TNR: variants seen among roughly 807,000 people sequenced by gnomAD.
The protein encoded by TNR is tenascin-R.
TNR carries 45 observed loss-of-function variants against 150.4 expected under a neutral mutation model. That is an observed-to-expected ratio of 0.30 (90% CI 0.24 to 0.38). The LOEUF is 0.38. TNR is among the 10% of genes least tolerant of loss of function. The pLI is 1.00. For synonymous variants in TNR, 687 were observed against 678.4 expected (o/e 1.01, Z -0.20); for missense variants, 1,544 against 1,759.1 (o/e 0.88, Z 2.19).
At chr1:175,446,624 T>A (rs1656056390) in intron 2 of TNR, among the ~76,000 whole-genome samples, 1 of 152,210 alleles carries the variant, frequency 6.6e-6, no homozygotes, top group African/African-American at 2.4e-5. Context: ...TTTTAATTGT[T>A]CCTTTTGTTA....
chr1:175,494,663 C>T (rs142076338), intron 2 of TNR, among the ~76,000 whole-genome samples: 15 of 152,280 alleles, frequency 9.9e-5, no homozygotes, highest in African/African-American at 3.6e-4. Context: ...GTGCAGAGCG[C>T]TAACAAGCCC....
chr1:175,491,493 TATG>T, intron 2 of TNR, among the ~76,000 whole-genome samples: 1 of 152,270 alleles, frequency 6.6e-6, no homozygotes, highest in Non-Finnish European at 1.5e-5. Context: ...AAGGCTGAAC[TATG>T]ATGATTTAGT....
At chr1:175,457,469 G>T (rs1656617878) in intron 2 of TNR, among the ~76,000 whole-genome samples, 3 of 152,218 alleles carry the variant, frequency 2.0e-5, no homozygotes, top group Admixed American at 2.0e-4. Context: ...CAGCCTGTCT[G>T]GTTTGGTCAT....
At chr1:175,472,279 C>G (rs1037429600) in intron 2 of TNR, among the ~76,000 whole-genome samples, 1 of 152,136 alleles carries the variant, frequency 6.6e-6, no homozygotes, top group African/African-American at 2.4e-5. Flanking sequence ...GTGGAGTTGT[C>G]AACCCCTGTG....
chr1:175,325,313 A>G (rs539811301), intron 21 of TNR, among the ~76,000 whole-genome samples: 11 of 152,364 alleles, frequency 7.2e-5, no homozygotes, highest in Admixed American at 3.9e-4. Context: ...CAAAACCACA[A>G]TGAGATACCA....
At chr1:175,544,019 G>T (rs953010206) in intron 1 of TNR, among the ~76,000 whole-genome samples, 1 of 152,188 alleles carries the variant, frequency 6.6e-6, no homozygotes, top group Admixed American at 6.5e-5. Context: ...AACAGCCAGG[G>T]CAGAGGGTGC....
chr1:175,702,860 C>T (rs963155492), intron 1 of TNR, among the ~76,000 whole-genome samples: 3 of 152,140 alleles, frequency 2.0e-5, no homozygotes, highest in Admixed American at 1.3e-4. Flanking sequence ...GCTTGAAACA[C>T]GTAAAATCCT....
At position 175,421,282 on chromosome 1, in the gene TNR, T is replaced by C. The variant is rs559587245; in HGVS notation, c.-63-14505A>G. Among the ~76,000 whole-genome samples the C allele has an allele frequency of 3.3e-5, 5 of 152,342 alleles. No individual in the cohort carries two copies. The East Asian group carries it at 5.8e-4, about 18-fold the overall frequency. On this transcript the variant is annotated intron_variant, in intron 2 of 22. Transcript: ENST00000367674. ...GCCCCATGAGGCTCTCAGATTTCCC[T>C]AGCAACAACTCAACACTTGATTCTT... is the stretch of plus-strand genomic sequence containing the variant.
intron 2 of TNR, among the ~76,000 whole-genome samples, chr1:175,480,623 C>T (rs1657764967): frequency 6.6e-6 from 1 of 152,088 alleles, no homozygotes; most frequent in African/African-American, 2.4e-5. Flanking sequence ...TTTTACATGA[C>T]ATTCATGGCT....
intron 1 of TNR, among the ~76,000 whole-genome samples, chr1:175,593,827 C>T (rs546736269): frequency 2.1e-4 from 32 of 152,248 alleles, no homozygotes; most frequent in Middle Eastern, 3.4e-3. Context: ...CTCAAGTTTC[C>T]CTCCACAGCA....
chr1:175,594,413 C>T (rs945511312), intron 1 of TNR, among the ~76,000 whole-genome samples: 10 of 152,168 alleles, frequency 6.6e-5, no homozygotes, highest in African/African-American at 2.2e-4. Context: ...TTCAATCTTT[C>T]CCTTATCAAT....
intron 2 of TNR, among the ~76,000 whole-genome samples, chr1:175,484,885 G>T (rs1025390881): frequency 2.0e-5 from 3 of 152,170 alleles, no homozygotes; most frequent in African/African-American, 7.2e-5. Context: ...GTGAGCATAT[G>T]ATGAGCATCT....
chr1:175,500,104 G>C (rs1451587741), intron 2 of TNR, among the ~76,000 whole-genome samples: 1 of 152,220 alleles, frequency 6.6e-6, no homozygotes, highest in Non-Finnish European at 1.5e-5. Context: ...GGGAACAATA[G>C]TCAAGTCAGA....
At chr1:175,584,727 C>T (rs568755201) in intron 1 of TNR, among the ~76,000 whole-genome samples, 1 of 152,262 alleles carries the variant, frequency 6.6e-6, no homozygotes, top group African/African-American at 2.4e-5. Flanking sequence ...AACATTTTTA[C>T]TCATAATAAT....
At chr1:175,486,189 T>TC (rs1658004169) in intron 2 of TNR, among the ~76,000 whole-genome samples, 1 of 152,000 alleles carries the variant, frequency 6.6e-6, no homozygotes, top group African/African-American at 2.4e-5. Flanking sequence ...GTTTGTTGCA[T>TC]CGGTATACAC....
At chr1:175,345,968 G>A (rs191546423) in intron 18 of TNR, among the ~76,000 whole-genome samples, 2 of 151,990 alleles carry the variant, frequency 1.3e-5, no homozygotes, top group Admixed American at 6.6e-5. Flanking sequence ...AACAGGAACC[G>A]GATTAACATT....
intron 2 of TNR, among the ~76,000 whole-genome samples, chr1:175,441,317 A>G (rs1290083327): frequency 6.6e-6 from 1 of 152,250 alleles, no homozygotes; most frequent in Non-Finnish European, 1.5e-5. Flanking sequence ...GGAATTGTGC[A>G]AAAAGAGAAG....
intron 3 of TNR, 70 bp from the exon 4 acceptor site, chr1:175,403,686 G>A: frequency 7.7e-7 from 1 of 1,295,314 alleles, no homozygotes. Flanking sequence ...GGGAAGGATG[G>A]GCAAAGGCCT....
At chr1:175,485,625 A>G (rs1045995332) in intron 2 of TNR, among the ~76,000 whole-genome samples, 4 of 152,208 alleles carry the variant, frequency 2.6e-5, no homozygotes, top group African/African-American at 9.7e-5. Context: ...CCTGCCACAC[A>G]TGCTGGATCC....
Sources: gnomAD v4.1 joint callset for allele counts (sites outside exome capture counted in the v4.1 genomes callset) on GRCh38, gnomAD v4.1.1 for gene constraint, MANE v1.5 for transcripts, NCBI Gene and HGNC (gene_info 2026-07-23, HGNC 2026-07-21) for gene names.